Variants in VPS13A observed in about 807,000 individuals in gnomAD.
VPS13A encodes the protein vacuolar protein sorting 13 homolog A.
A neutral mutation model predicts 390.9 loss-of-function variants in VPS13A; 264 were observed. The observed-to-expected ratio is 0.68, with a 90% CI of 0.61 to 0.75. The LOEUF (loss-of-function observed/expected upper bound fraction) is 0.75. VPS13A is among the 30% of genes least tolerant of loss of function. VPS13A has a pLI of 0.00. For synonymous variants in VPS13A, 1,231 were observed against 1,227.1 expected, an observed-to-expected ratio of 1.00 and a Z score of -0.07; for missense variants, 3,409 against 3,733.9, an observed-to-expected ratio of 0.91 and a Z score of 2.27.
At chr9:77,269,222 C>G (rs571564515) in intron 23 of VPS13A, among the ~76,000 whole-genome samples, 1 of 152,044 alleles carries the variant, frequency 6.6e-6, no homozygotes, top group East Asian at 1.9e-4. Context: ...ATACTTAGGT[C>G]TCTCATCCAT....
At chr9:77,239,675 G>T (rs1457925035) in intron 19 of VPS13A, among the ~76,000 whole-genome samples, 4 of 151,592 alleles carry the variant, frequency 2.6e-5, no homozygotes, top group Non-Finnish European at 5.9e-5. Flanking sequence ...TAGATTTATG[G>T]TCCTTATTTT....
intron 19 of VPS13A, among the ~76,000 whole-genome samples, chr9:77,245,252 GGT>G (rs1264985409): frequency 2.0e-5 from 3 of 152,118 alleles, no homozygotes; most frequent in African/African-American, 7.2e-5. Context: ...TAAGGCTTGT[GGT>G]AGGACTTCCA....
chr9:77,397,785 A>G (rs1343561297), intron 68 of VPS13A, among the ~76,000 whole-genome samples: 1 of 152,194 alleles, frequency 6.6e-6, no homozygotes, highest in Non-Finnish European at 1.5e-5. Context: ...TTTAATTATT[A>G]CCTATAGATT....
chr9:77,287,662 A>G (rs73467914), intron 31 of VPS13A, among the ~76,000 whole-genome samples: 1,942 of 152,294 alleles, frequency 0.013, 45 homozygotes, highest in African/African-American at 0.044. Flanking sequence ...TATTAGGATT[A>G]TCAAGAAATG....
At chr9:77,272,725 A>G (rs1587467723) in intron 23 of VPS13A, among the ~76,000 whole-genome samples, 2 of 152,174 alleles carry the variant, frequency 1.3e-5, no homozygotes, top group African/African-American at 4.8e-5. Flanking sequence ...GAGGAATGAG[A>G]TCCGGGAGGA....
intron 16 of VPS13A, 133 bp from the exon 17 acceptor site, chr9:77,227,989 A>C (rs147936999): frequency 3.1e-6 from 2 of 639,848 alleles, no homozygotes; most frequent in South Asian, 4.5e-5. Flanking sequence ...TTTGGGGTCA[A>C]TGTGATGATT....
chr9:77,339,029 A>T (rs1830680387), intron 47 of VPS13A: 1 of 176,546 alleles, frequency 5.7e-6, no homozygotes, highest in Admixed American at 5.7e-5. Context: ...GTTTGGAGAG[A>T]TACATATGAC....
In VPS13A at chr9:77,319,567, T is replaced by C. The variant is rs752363046; in HGVS notation, c.5314-5T>C. ...CATTTTTAATTTAAAAAATTCTCTC[T>C]GTAGGTGCATTATTATAATGAAATG... On this transcript the variant is annotated splice_region_variant and splice_polypyrimidine_tract_variant and intron_variant, in intron 41 of 71. Coordinates refer to ENST00000360280, the MANE Select transcript of VPS13A (RefSeq NM_033305.3). 1.3e-6 allele frequency: 2 copies of C among 1,561,688 alleles called. No homozygotes were observed. The highest frequency in any genetic ancestry group is 2.2e-5 in the South Asian group (2 of 89,874).
chr9:77,184,117 A>G (rs1463840651), intron 1 of VPS13A, among the ~76,000 whole-genome samples: 5 of 152,186 alleles, frequency 3.3e-5, no homozygotes, highest in Non-Finnish European at 7.3e-5. Context: ...TTAAGTGTAC[A>G]TTGACTGAGT....
chr9:77,304,210 A>G (rs1188245081), intron 34 of VPS13A, among the ~76,000 whole-genome samples: 1 of 152,192 alleles, frequency 6.6e-6, no homozygotes, highest in African/African-American at 2.4e-5. Flanking sequence ...ACATTTTGTT[A>G]ACAAGGCACG....
chr9:77,406,928 A>C (rs901621178), intron 70 of VPS13A, among the ~76,000 whole-genome samples: 26 of 152,102 alleles, frequency 1.7e-4, no homozygotes, highest in African/African-American at 5.8e-4. Context: ...ATCTGCTCTG[A>C]GACAGTCCCA....
In VPS13A at chr9:77,220,103, T is replaced by C. The variant is rs116562441; in HGVS notation, c.882+22T>C. The C allele has an allele frequency of 2.9e-4, 463 of 1,589,558 alleles. 1 individual carries two copies. The African/African-American group carries it at 5.7e-3, about 20-fold the overall frequency. Reference sequence around the variant, plus strand: ...ACAGGTGATTTTCTTTAATATAATTTTCAATTGTGAATTATTGTTTGATAA... The same window carrying C: ...ACAGGTGATTTTCTTTAATATAATTCTCAATTGTGAATTATTGTTTGATAA... On this transcript the variant is annotated intron_variant, in intron 11 of 71. Transcript: ENST00000360280.
intron 21 of VPS13A, 110 bp downstream of exon 21, chr9:77,250,339 G>C: frequency 7.5e-7 from 1 of 1,327,150 alleles, no homozygotes; most frequent in Non-Finnish European, 1.1e-6. Context: ...CTATATTTTT[G>C]AATTAGAAAT....
Position 77,370,333 on chromosome 9 carries a change from G to A in VPS13A, c.8743+1G>A. On this transcript the variant is annotated splice_donor_variant, in intron 64 of 71. Transcript: ENST00000360280. LOFTEE classifies it high-confidence loss of function. ...AAGGCACTAGTTGGTGGAGCTGTTG[G>A]TAAGAAACAGAATATCTACCAAGTA... The A allele has an allele frequency of 1.2e-6, 2 of 1,614,158 alleles. No homozygotes were observed. The highest frequency in any genetic ancestry group is 1.7e-5 in the Admixed American group (1 of 60,010).
chr9:77,375,870 C>A (rs1186582324), intron 67 of VPS13A, among the ~76,000 whole-genome samples: 1 of 152,098 alleles, frequency 6.6e-6, no homozygotes, highest in Non-Finnish European at 1.5e-5. Context: ...TGGCAATGGT[C>A]CTGTGTTCAT....
At chr9:77,282,062 T>C in intron 28 of VPS13A, 59 bp from the exon 29 acceptor site, 1 of 1,561,452 alleles carries the variant, frequency 6.4e-7, no homozygotes, top group Non-Finnish European at 8.8e-7. Context: ...TAGTGCCTTG[T>C]AGAGAGCTGG....
chr9:77,274,670 G>A (rs1300377785), intron 24 of VPS13A, among the ~76,000 whole-genome samples: 1 of 151,836 alleles, frequency 6.6e-6, no homozygotes, highest in East Asian at 1.9e-4. Flanking sequence ...TACCAAATAT[G>A]TGCTTTTTAA....
At chr9:77,323,815 T>C (rs1163036427) in intron 45 of VPS13A, among the ~76,000 whole-genome samples, 1 of 152,206 alleles carries the variant, frequency 6.6e-6, no homozygotes, top group Non-Finnish European at 1.5e-5. Context: ...TTGACTTTCA[T>C]TCAGAAAAAT....
intron 47 of VPS13A, 146 bp downstream of exon 47, chr9:77,337,683 C>A: frequency 2.7e-6 from 2 of 752,268 alleles, no homozygotes; most frequent in Non-Finnish European, 4.1e-6. Context: ...TCTTTTGCAA[C>A]AAGTATGAGA....
Sources: gnomAD v4.1 joint callset for allele counts (sites outside exome capture counted in the v4.1 genomes callset) on GRCh38, gnomAD v4.1.1 for gene constraint, MANE v1.5 for transcripts, NCBI Gene and HGNC (gene_info 2026-07-23, HGNC 2026-07-21) for gene names.